GRAMD1C: variants seen among roughly 807,000 people sequenced by gnomAD.
GRAMD1C encodes the protein protein Aster-C.
Under a neutral mutation model 97.8 loss-of-function variants are expected in GRAMD1C, and 89 were observed. That is an observed-to-expected ratio of 0.91 (90% CI 0.77 to 1.09). The LOEUF is 1.09. Ranked by LOEUF, GRAMD1C falls within the 50% of genes least tolerant of loss-of-function variation. The pLI, the probability that GRAMD1C is intolerant of heterozygous loss-of-function variation, is 0.00. For synonymous variants in GRAMD1C, 256 were observed against 267.0 expected, an observed-to-expected ratio of 0.96 and a Z score of 0.40; for missense variants, 740 against 766.4, an observed-to-expected ratio of 0.97 and a Z score of 0.41.
At position 113,875,553 on chromosome 3, in the gene GRAMD1C, G is replaced by A. The variant is rs752969893; in HGVS notation, c.329G>A (p.Cys110Tyr). Reference protein sequence around the residue: ...GRLYLSENWLCFYSNIFRWET... With the variant: ...GRLYLSENWLYFYSNIFRWET... The stretch of plus-strand genomic sequence containing the variant: ...CTATACCTTTCAGAAAACTGGCTAT[G>A]TTTCTATAGCAACATCTTCAGATGG... Residue 110 changes from cysteine (C) to tyrosine (Y), a missense_variant, in exon 4 of 18, where the codon TGT becomes TAT. Physicochemically the swap from Cys to Tyr is radical, Grantham distance 194 (BLOSUM62 -2). Coordinates refer to ENST00000358160, the MANE Select transcript of GRAMD1C (RefSeq NM_017577.5). 9 of 1,530,264 alleles carry A rather than the reference G, an allele frequency of 5.9e-6. No homozygotes were observed. The highest frequency in any genetic ancestry group is 1.1e-5 in the South Asian group (1 of 89,528). 94.8% of individuals were successfully genotyped at this position (1,530,264 alleles called of 1,614,324 possible).
chr3:113,850,502 C>G (rs1203386663), intron 2 of GRAMD1C: 1 of 1,560,646 alleles, frequency 6.4e-7, no homozygotes, highest in East Asian at 2.2e-5. Context: ...CATGGAGATA[C>G]TGGATGCCCT....
At position 113,932,363 on chromosome 3, in the gene GRAMD1C, C is replaced by A. The variant is rs557466670; in HGVS notation, c.1210-1148C>A. Among the ~76,000 whole-genome samples the A allele has an allele frequency of 3.9e-5, 6 of 152,016 alleles. No individual in the cohort carries two copies. The South Asian group carries it at 6.3e-4, about 16-fold the overall frequency. On this transcript the variant is annotated intron_variant, in intron 11 of 17. Transcript: ENST00000358160. ...GAGGGTCTTTGAAAACTTTGGAAGC[C>A]CCCCCAACCCCCTTACAGGATAGGT...
chr3:113,864,738 C>CT (rs1187372474), intron 2 of GRAMD1C, among the ~76,000 whole-genome samples: 3 of 152,200 alleles, frequency 2.0e-5, no homozygotes, highest in African/African-American at 7.2e-5. Context: ...TAAGTAATCT[C>CT]TAAGAAGTTT....
intron 7 of GRAMD1C, among the ~76,000 whole-genome samples, chr3:113,902,277 T>C (rs1306683878): frequency 1.3e-5 from 2 of 152,222 alleles, no homozygotes; most frequent in African/African-American, 4.8e-5. Context: ...TTTTATAGGC[T>C]TTTTTACATG....
chr3:113,899,188 A>G (rs1936050072), intron 6 of GRAMD1C, among the ~76,000 whole-genome samples: 1 of 152,156 alleles, frequency 6.6e-6, no homozygotes, highest in Non-Finnish European at 1.5e-5. Flanking sequence ...ACTGACTTCA[A>G]AACAAATGTT....
At chr3:113,841,995 G>A (rs1933347218) in intron 1 of GRAMD1C, among the ~76,000 whole-genome samples, 1 of 152,162 alleles carries the variant, frequency 6.6e-6, no homozygotes, top group Admixed American at 6.5e-5. Context: ...AACATACCCA[G>A]CCTGTTGTCC....
intron 3 of GRAMD1C, among the ~76,000 whole-genome samples, chr3:113,874,789 ACT>A (rs1252701204): frequency 6.6e-6 from 1 of 151,932 alleles, no homozygotes; most frequent in African/African-American, 2.4e-5. Flanking sequence ...TAATCTAACT[ACT>A]CTGTCTCTTA....
chr3:113,919,603 G>C, intron 10 of GRAMD1C: 1 of 603,860 alleles, frequency 1.7e-6, no homozygotes, highest in Admixed American at 2.1e-5. Flanking sequence ...GTGTTCACTT[G>C]AGGTATTTTC....
At chr3:113,836,529 A>G (rs1709633475), upstream of GRAMD1C, among the ~76,000 whole-genome samples, 1 of 80,260 alleles carries the variant, frequency 1.2e-5, no homozygotes, top group African/African-American at 3.6e-5. Flanking sequence ...ACTCCTAAAT[A>G]CTTTTTTTTT....
At position 113,866,954 on chromosome 3, in the gene GRAMD1C, G is replaced by A. The variant is rs927466898; in HGVS notation, c.175-2553G>A. 4.6e-5 allele frequency among the ~76,000 whole-genome samples: 7 copies of A among 151,908 alleles called. 1 individual carries two copies. The South Asian group carries it at 1.0e-3, about 23-fold the overall frequency. On this transcript the variant is annotated intron_variant, in intron 2 of 17. Coordinates refer to ENST00000358160, the MANE Select transcript of GRAMD1C (RefSeq NM_017577.5). ...AGGGATTCTCCTGCTTCAGCCTCCC[G>A]AGTAGCTGAGATTACAGGTGCCTGC...
intron 14 of GRAMD1C, among the ~76,000 whole-genome samples, chr3:113,937,880 C>T (rs1163614196): frequency 6.6e-6 from 1 of 152,048 alleles, no homozygotes; most frequent in African/African-American, 2.4e-5. Context: ...TGGCGCATGC[C>T]TGTAATCCCA....
rs1321095088 is a variant in GRAMD1C at position 113,947,138 on chromosome 3, ACGT to A, written c.*1661_*1663del. The A allele has an allele frequency of 6.6e-5, 10 of 152,260 alleles. No homozygotes were observed. Among genetic ancestry groups the A allele is most frequent in the African/African-American group, 2.4e-4 (10 of 41,468 alleles). 9.4% of individuals were successfully genotyped at this position (152,260 alleles called of 1,614,324 possible). On this transcript the variant is annotated 3_prime_UTR_variant, in exon 18 of 18. Coordinates refer to ENST00000358160, the MANE Select transcript of GRAMD1C (RefSeq NM_017577.5). ...TCAATTAATAAAATTTGAGCCTGTT[ACGT>A]AAATTGAATATTAATAAAATTGAAA...
intron 1 of GRAMD1C, among the ~76,000 whole-genome samples, chr3:113,831,571 G>C (rs907468202): frequency 2.0e-5 from 3 of 151,866 alleles, no homozygotes; most frequent in African/African-American, 7.3e-5. Flanking sequence ...TGGTCTACTT[G>C]GCAGTGTCTT....
At chr3:113,828,635 T>C (rs753454413) in intron 1 of GRAMD1C, among the ~76,000 whole-genome samples, 2 of 152,218 alleles carry the variant, frequency 1.3e-5, no homozygotes, top group African/African-American at 2.4e-5. Context: ...CCTTTTCTTA[T>C]TGGAGTCATC....
intron 1 of GRAMD1C, among the ~76,000 whole-genome samples, chr3:113,843,359 G>A (rs1262714369): frequency 2.0e-5 from 3 of 151,994 alleles, no homozygotes; most frequent in Non-Finnish European, 4.4e-5. Context: ...TTATAGGCAT[G>A]AGTCACTGTG....
At chr3:113,851,858 C>T (rs547054182) in intron 2 of GRAMD1C, among the ~76,000 whole-genome samples, 2 of 151,610 alleles carry the variant, frequency 1.3e-5, no homozygotes, top group South Asian at 4.2e-4. Context: ...AGCCTTTATT[C>T]TGTACTTTAT....
chr3:113,933,592 T>C lies in GRAMD1C; in HGVS notation c.1291T>C (p.Tyr431His). The C allele has an allele frequency of 6.2e-7, 1 of 1,604,504 alleles. No homozygotes were observed. Among genetic ancestry groups the C allele is most frequent in the Non-Finnish European group, 8.5e-7 (1 of 1,171,196 alleles). ...GACACATGATGTCCCCTACCATGATTACTTCTATACCGTGAACAGATACTG... is the reference window on the plus strand; with the variant it reads ...GACACATGATGTCCCCTACCATGATCACTTCTATACCGTGAACAGATACTG... ...VLTHDVPYHDYFYTVNRYCII... is the reference protein window; with the variant it reads ...VLTHDVPYHDHFYTVNRYCII... Residue 431 changes from tyrosine (Y) to histidine (H), a missense_variant, in exon 12 of 18, where the codon TAC becomes CAC. Transcript: ENST00000358160.
chr3:113,907,384 C>A (rs915958201), intron 8 of GRAMD1C, among the ~76,000 whole-genome samples: 13 of 152,092 alleles, frequency 8.5e-5, no homozygotes, highest in Non-Finnish European at 1.5e-4. Flanking sequence ...ATCTAGAGAC[C>A]CTTAGTGACT....
At chr3:113,828,515 A>G (rs1409505742) in intron 1 of GRAMD1C, among the ~76,000 whole-genome samples, 1 of 152,212 alleles carries the variant, frequency 6.6e-6, no homozygotes, top group African/African-American at 2.4e-5. Context: ...CAATGGGCCC[A>G]AGAAAAAGTG....
Sources: allele counts gnomAD v4.1 joint callset (sites outside exome capture counted in the v4.1 genomes callset), GRCh38; gene constraint gnomAD v4.1.1; transcripts MANE v1.5; gene names NCBI Gene and HGNC (gene_info 2026-07-23, HGNC 2026-07-21).